The following OTX2 variants were observed in gnomAD, a reference collection of about 807,000 sequenced individuals.
OTX2 encodes the protein orthodenticle homeobox 2.
Under a neutral mutation model 29.0 loss-of-function variants are expected in OTX2, and 4 were observed. That is an observed-to-expected ratio of 0.14 (90% CI 0.07 to 0.32). OTX2 has a LOEUF of 0.32. Among genes scored for constraint, OTX2 ranks in the 10% least tolerant of loss-of-function variants. The probability of loss-of-function intolerance (pLI) is 1.00; values close to 1 mark genes in which losing one functional copy is unlikely to be tolerated. For synonymous variants in OTX2, 134 were observed against 141.0 expected (o/e 0.95, Z 0.35); for missense variants, 298 against 365.9 (o/e 0.81, Z 1.51).
At chr14:56,807,634 T>C (rs1259408716) in intron 2 of OTX2, among the ~76,000 whole-genome samples, 1 of 152,142 alleles carries the variant, frequency 6.6e-6, no homozygotes, top group Non-Finnish European at 1.5e-5. Flanking sequence ...AAATAGACTA[T>C]TTTCACTTTT....
chr14:56,809,375 A>C (rs1892199556), intron 2 of OTX2, among the ~76,000 whole-genome samples: 1 of 152,222 alleles, frequency 6.6e-6, no homozygotes, highest in Non-Finnish European at 1.5e-5. Flanking sequence ...GAGGCTGCGT[A>C]ATTACAACCC....
rs949877986 is a variant in OTX2 at position 56,800,596 on chromosome 14, T to C, written c.*1139A>G. ...GATTAGCAAAAAAAAAAAGTAAAAA[T>C]AAGTTTGCTAATTTACTCTCTGTCC... On this transcript the variant is annotated 3_prime_UTR_variant, in exon 5 of 5. Coordinates refer to ENST00000672264, the MANE Select transcript of OTX2 (RefSeq NM_021728.4). The C allele has an allele frequency of 1.3e-5, 2 of 151,732 alleles. No individual in the cohort carries two copies. The highest frequency in any genetic ancestry group is 2.9e-5 in the Non-Finnish European group (2 of 67,912). 9.4% of individuals were successfully genotyped at this position (151,732 alleles called of 1,614,324 possible). A position where few individuals can be genotyped will look rare whatever the true frequency, so the allele number is the denominator to read the frequency against.
chr14:56,808,604 G>A (rs1892169528), intron 2 of OTX2, among the ~76,000 whole-genome samples: 1 of 152,176 alleles, frequency 6.6e-6, no homozygotes, highest in African/African-American at 2.4e-5. Flanking sequence ...CTTACTCTGG[G>A]GGGAGGAGTT....
At chr14:56,809,529 G>T (rs1387096610) in intron 2 of OTX2, among the ~76,000 whole-genome samples, 2 of 152,220 alleles carry the variant, frequency 1.3e-5, no homozygotes, top group African/African-American at 4.8e-5. Context: ...CGGGGCGGAC[G>T]AGAAGCCAGC....
intron 2 of OTX2, among the ~76,000 whole-genome samples, chr14:56,806,360 C>A (rs1892089865): frequency 6.6e-6 from 1 of 152,190 alleles, no homozygotes; most frequent in Non-Finnish European, 1.5e-5. Context: ...GAAAGCTAAA[C>A]AAACAAGTAT....
At chr14:56,805,290 A>G in intron 3 of OTX2, 70 bp downstream of exon 3, 2 of 1,010,132 alleles carry the variant, frequency 2.0e-6, no homozygotes, top group Non-Finnish European at 3.1e-6. Context: ...TTCCATGGGA[A>G]CAGGGTGTTG....
intron 2 of OTX2, among the ~76,000 whole-genome samples, chr14:56,808,206 T>C (rs1196446998): frequency 6.6e-6 from 1 of 152,136 alleles, no homozygotes; most frequent in Non-Finnish European, 1.5e-5. Context: ...TTATAATAAA[T>C]GTTTTCTTGA....
chr14:56,807,287 G>C (rs913357698), intron 2 of OTX2, among the ~76,000 whole-genome samples: 2 of 152,052 alleles, frequency 1.3e-5, no homozygotes, highest in Non-Finnish European at 2.9e-5. Context: ...CTTAGAGGCT[G>C]TTTAAACACA....
At chr14:56,809,365 G>C (rs2139545982) in intron 2 of OTX2, among the ~76,000 whole-genome samples, 1 of 152,368 alleles carries the variant, frequency 6.6e-6, no homozygotes, top group South Asian at 2.1e-4. Context: ...CGGGGGTTGG[G>C]AGGCTGCGTA....
Position 56,801,791 on chromosome 14 carries a change from C to T in OTX2, c.838G>A (p.Ala280Thr). The T allele has an allele frequency of 1.2e-6, 2 of 1,614,178 alleles. No individual in the cohort carries two copies. Among genetic ancestry groups the T allele is most frequent in the East Asian group, 4.5e-5 (2 of 44,864 alleles). ...TGATCTTTATAATCCAAGCAGTCAG[C>T]ATTGAAGTTAAGCTTCCAGGAGGCA... ...QTASWKLNFN[A>T]DCLDYKDQTS... The change falls in exon 5 of 5, where the codon GCT becomes ACT. Residue 280 changes from alanine (A) to threonine (T), a missense_variant. Around this residue, in one of 3 missense-constraint regions of OTX2, gnomAD observed 219 missense variants for 223.5 expected, o/e 0.98. Coordinates refer to ENST00000672264, the MANE Select transcript of OTX2 (RefSeq NM_021728.4). This position sits in a 1 kb window ranked among gnomAD's most constrained non-coding sequence, Gnocchi z 4.2.
At position 56,801,672 on chromosome 14, in the gene OTX2, A is replaced by G; in HGVS notation, c.*63T>C. 6.4e-7 allele frequency: 1 copy of G among 1,559,616 alleles called. No homozygotes were observed. The highest frequency in any genetic ancestry group is 8.8e-7 in the Non-Finnish European group (1 of 1,132,776). On this transcript the variant is annotated 3_prime_UTR_variant, in exon 5 of 5. Coordinates refer to ENST00000672264, the MANE Select transcript of OTX2 (RefSeq NM_021728.4). This position sits in a 1 kb window ranked among gnomAD's most constrained non-coding sequence, Gnocchi z 4.2. ...TAACTCTTTTAACCAATGCCTGGCT[A>G]AAACTGGAATGTCCAGCCCAGTATA...
chr14:56,801,885 G>T lies in OTX2; in HGVS notation c.744C>A (p.Thr248=), dbSNP rs1026307269. Residue 248 remains threonine, a synonymous_variant, in exon 5 of 5, where the codon ACC becomes ACA. Transcript: ENST00000672264. The surrounding 1 kb of genome is among the most constrained non-coding windows in gnomAD (Gnocchi z 4.2). Reference sequence around the variant, plus strand: ...CCAAGCTTGAAGCTCCATATCCCTGGGTGGAAAGAGAAGCTGGGGACTGAT... The same window carrying T: ...CCAAGCTTGAAGCTCCATATCCCTGTGTGGAAAGAGAAGCTGGGGACTGAT... ...HLNQSPASLS[T]QGYGASSLGF... is the part of the protein sequence containing the mutation. The T allele has an allele frequency of 6.8e-6, 11 of 1,614,034 alleles. No homozygotes were observed. The highest frequency in any genetic ancestry group is 9.3e-6 in the Non-Finnish European group (11 of 1,180,052).
chr14:56,800,664 T>C lies in OTX2; in HGVS notation c.*1071A>G, dbSNP rs1891842120. On this transcript the variant is annotated 3_prime_UTR_variant, in exon 5 of 5. Coordinates refer to ENST00000672264, the MANE Select transcript of OTX2 (RefSeq NM_021728.4). ...GGGGAGGAAAGGCTGAATGTAGGCT[T>C]CTTATTCATAAATAGCGGTGTAAAA... 1 of 152,610 alleles carries C rather than the reference T, an allele frequency of 6.6e-6. No individual in the cohort carries two copies. The highest frequency in any genetic ancestry group is 2.4e-5 in the African/African-American group (1 of 41,454). The allele number at this position is 152,610 out of a possible 1,614,324, so 9.5% of individuals were successfully genotyped here. A position where few individuals can be genotyped will look rare whatever the true frequency, so the allele number is the denominator to read the frequency against.
intron 2 of OTX2, among the ~76,000 whole-genome samples, chr14:56,806,994 T>A (rs935527777): frequency 6.6e-5 from 10 of 152,144 alleles, no homozygotes; most frequent in African/African-American, 2.4e-4. Flanking sequence ...ACTCCGGGTT[T>A]TCATATTTAC....
At chr14:56,807,326 T>G (rs548832656) in intron 2 of OTX2, among the ~76,000 whole-genome samples, 28 of 152,214 alleles carry the variant, frequency 1.8e-4, no homozygotes, top group African/African-American at 5.1e-4. Context: ...TACAGTTGTA[T>G]ATGTGTTTAA....
intron 2 of OTX2, among the ~76,000 whole-genome samples, chr14:56,805,896 T>G (rs1250928588): frequency 6.8e-6 from 1 of 146,634 alleles, no homozygotes; most frequent in East Asian, 2.1e-4. Context: ...AATGCACACA[T>G]TGCATTCCTA....
chr14:56,807,561 C>T (rs562798538), intron 2 of OTX2, among the ~76,000 whole-genome samples: 2 of 152,254 alleles, frequency 1.3e-5, no homozygotes, highest in South Asian at 2.1e-4. Context: ...CAGAAAGCAC[C>T]AGGGCCGAGA....
At position 56,800,862 on chromosome 14, in the gene OTX2, C is replaced by G. The variant is rs1891849527; in HGVS notation, c.*873G>C. On this transcript the variant is annotated 3_prime_UTR_variant, in exon 5 of 5. Coordinates refer to ENST00000672264, the MANE Select transcript of OTX2 (RefSeq NM_021728.4). Reference sequence around the variant, plus strand: ...CAGGGTCAGAGCAATTGACCAATGTCTCTTTACTGCTAGGCTTACCAACAG... The same window carrying G: ...CAGGGTCAGAGCAATTGACCAATGTGTCTTTACTGCTAGGCTTACCAACAG... 1 of 152,612 alleles carries G rather than the reference C, an allele frequency of 6.6e-6. No individual in the cohort carries two copies. Among genetic ancestry groups the G allele is most frequent in the Admixed American group, 6.5e-5 (1 of 15,280 alleles). 9.5% of individuals were successfully genotyped at this position (152,612 alleles called of 1,614,324 possible).
chr14:56,804,020 G>A lies in OTX2; in HGVS notation c.273+168C>T, dbSNP rs886744330. ...CTTGCTTACGGGATTAAGTGGTGAC[G>A]GGCAGGCAAAAAAGGGCAGAAGGAG... On this transcript the variant is annotated intron_variant, in intron 4 of 4. Coordinates refer to ENST00000672264, the MANE Select transcript of OTX2 (RefSeq NM_021728.4). The surrounding 1 kb of genome is among the most constrained non-coding windows in gnomAD (Gnocchi z 4.1). 2.0e-5 allele frequency among the ~76,000 whole-genome samples: 3 copies of A among 151,936 alleles called. No individual in the cohort carries two copies. Among genetic ancestry groups the A allele is most frequent in the Admixed American group, 6.5e-5 (1 of 15,282 alleles).
Sources: allele counts gnomAD v4.1 joint callset (sites outside exome capture counted in the v4.1 genomes callset), GRCh38; gene constraint gnomAD v4.1.1; regional missense constraint gnomAD v4.1.1; non-coding constraint Gnocchi (gnomAD v3.1); transcripts MANE v1.5; gene names NCBI Gene and HGNC (gene_info 2026-07-23, HGNC 2026-07-21).